The following KBTBD12 variants were observed in gnomAD, a reference collection of about 807,000 sequenced individuals.
KBTBD12 encodes kelch repeat and BTB domain-containing protein 12.
In KBTBD12, 53 loss-of-function variants were observed where a neutral mutation model predicts 58.7. The observed-to-expected ratio is 0.90, with a 90% CI of 0.72 to 1.14. The LOEUF is 1.14. Among genes scored for constraint, KBTBD12 ranks in the 50% most tolerant of loss-of-function variants. The pLI is 0.00. For missense variants in KBTBD12, 704 were observed against 751.3 expected (o/e 0.94, Z 0.74); for synonymous variants, 236 against 259.8 (o/e 0.91, Z 0.88).
chr3:127,974,046 C>T (rs1418411828), intron 5 of KBTBD12, among the ~76,000 whole-genome samples: 1 of 152,168 alleles, frequency 6.6e-6, no homozygotes, highest in African/African-American at 2.4e-5. Flanking sequence ...CCCATACATA[C>T]ATACACTGTC....
intron 4 of KBTBD12, among the ~76,000 whole-genome samples, chr3:127,950,222 A>C (rs1940174845): frequency 6.6e-6 from 1 of 152,246 alleles, no homozygotes; most frequent in Admixed American, 6.5e-5. Context: ...GGAGGAAGAA[A>C]ACACACATGC....
Position 127,963,264 on chromosome 3 carries a change from A to G in KBTBD12, c.1568A>G (p.Asp523Gly). The stretch of plus-strand genomic sequence containing the variant: ...GACGTGGTGGAGATCTACAACCCAG[A>G]TGGGGACTTTTGGCGAGAGGGCCCT... ...CLDVVEIYNPDGDFWREGPPM... is the reference protein window; with the variant it reads ...CLDVVEIYNPGGDFWREGPPM... Residue 523 changes from aspartate (D) to glycine (G), a missense_variant, in exon 5 of 6, where the codon GAT becomes GGT. Coordinates refer to ENST00000405109, the MANE Select transcript of KBTBD12 (RefSeq NM_207335.4). The G allele has an allele frequency of 6.2e-7, 1 of 1,612,774 alleles. No individual in the cohort carries two copies. Among genetic ancestry groups the G allele is most frequent in the Non-Finnish European group, 8.5e-7 (1 of 1,179,490 alleles).
chr3:127,924,049 G>C lies in KBTBD12; in HGVS notation c.988G>C (p.Glu330Gln). Residue 330 changes from glutamate to glutamine, a missense_variant, in exon 2 of 6, where the codon GAA (glutamate) becomes CAA (glutamine). Transcript: ENST00000405109. ...AACTGTGTGTACTGGTGTTGTCATG[G>C]AAAATAATACTATAATTGTGGCTGG... ...LGTVCTGVVM[E>Q]NNTIIVAGEA... The C allele has an allele frequency of 2.5e-6, 4 of 1,613,706 alleles. No individual in the cohort carries two copies. The highest frequency in any genetic ancestry group is 2.5e-6 in the Non-Finnish European group (3 of 1,179,700).
chr3:127,927,851 C>T lies in KBTBD12; in HGVS notation c.1158C>T (p.Asp386=). 6.2e-7 allele frequency: 1 copy of T among 1,612,506 alleles called. No homozygotes were observed. The highest frequency in any genetic ancestry group is 8.5e-7 in the Non-Finnish European group (1 of 1,178,922). ...ELYALGSIHN[D]LYVIGGQMKI... ...ATGCTCTGGGCAGTATTCATAATGA[C>T]CTTTATGTTATAGGAGGACAGATGA... Residue 386 remains aspartate (D), a synonymous_variant, in exon 3 of 6, where the codon GAC becomes GAT. Coordinates refer to ENST00000405109, the MANE Select transcript of KBTBD12 (RefSeq NM_207335.4).
At chr3:127,926,193 T>G (rs1335313127) in intron 2 of KBTBD12, among the ~76,000 whole-genome samples, 3 of 152,204 alleles carry the variant, frequency 2.0e-5, no homozygotes, top group Non-Finnish European at 4.4e-5. Context: ...TTTCTCTCCC[T>G]GTTTCAGTTC....
chr3:127,958,488 G>A (rs937088299), intron 4 of KBTBD12, among the ~76,000 whole-genome samples: 1 of 152,128 alleles, frequency 6.6e-6, no homozygotes, highest in East Asian at 1.9e-4. Flanking sequence ...GCCCAGACTC[G>A]ACTGAAAATC....
At position 127,986,324 on chromosome 3, in the gene KBTBD12, G is replaced by A. The variant is rs2107620562; in HGVS notation, c.*2046G>A. 1 of 152,718 alleles carries A rather than the reference G, an allele frequency of 6.5e-6. No individual in the cohort carries two copies. 9.5% of individuals were successfully genotyped at this position (152,718 alleles called of 1,614,324 possible). A position where few individuals can be genotyped will look rare whatever the true frequency, so the allele number is the denominator to read the frequency against. ...GTATGAGGATTAAGTGCTGAGCAAA[G>A]TGCCTGTGAAATCCTGAAATAATAA... On this transcript the variant is annotated 3_prime_UTR_variant, in exon 6 of 6. Coordinates refer to ENST00000405109, the MANE Select transcript of KBTBD12 (RefSeq NM_207335.4).
intron 4 of KBTBD12, among the ~76,000 whole-genome samples, chr3:127,959,634 A>G (rs1026133613): frequency 2.0e-5 from 3 of 152,224 alleles, no homozygotes; most frequent in Non-Finnish European, 4.4e-5. Context: ...CATGCTAGCC[A>G]TTTTGTTTAC....
intron 5 of KBTBD12, among the ~76,000 whole-genome samples, chr3:127,977,638 G>A (rs1940804859): frequency 1.3e-5 from 2 of 152,162 alleles, no homozygotes; most frequent in African/African-American, 4.8e-5. Flanking sequence ...CTTTTGAAAA[G>A]TGTCTGTTCG....
At chr3:127,933,102 TAAAAC>T (rs1310891091) in intron 4 of KBTBD12, among the ~76,000 whole-genome samples, 1 of 152,122 alleles carries the variant, frequency 6.6e-6, no homozygotes, top group Non-Finnish European at 1.5e-5. Flanking sequence ...AAAAATAAAA[TAAAAC>T]AAAACCAGGC....
At chr3:127,974,170 A>G (rs1055530118) in intron 5 of KBTBD12, among the ~76,000 whole-genome samples, 1 of 152,254 alleles carries the variant, frequency 6.6e-6, no homozygotes, top group Non-Finnish European at 1.5e-5. Context: ...GCAGAGAGCA[A>G]TTATATCAGC....
chr3:127,944,779 C>T (rs1940034316), intron 4 of KBTBD12, among the ~76,000 whole-genome samples: 1 of 152,314 alleles, frequency 6.6e-6, no homozygotes, highest in Non-Finnish European at 1.5e-5. Flanking sequence ...GTTCCCCCCA[C>T]TGATTATGAT....
At chr3:127,918,451 G>A (rs1224158526) in intron 1 of KBTBD12, among the ~76,000 whole-genome samples, 1 of 152,136 alleles carries the variant, frequency 6.6e-6, no homozygotes, top group East Asian at 1.9e-4. Flanking sequence ...GGTGGCTCAC[G>A]CCTGTAATCC....
At position 127,923,413 on chromosome 3, in the gene KBTBD12, A is replaced by AGT; in HGVS notation, c.359_360dup (p.Gln121ValfsTer5). On this transcript the variant is annotated frameshift_variant, in exon 2 of 6. Coordinates refer to ENST00000405109, the MANE Select transcript of KBTBD12 (RefSeq NM_207335.4). LOFTEE classifies it high-confidence loss of function. Reference sequence around the variant, plus strand: ...TTTTATGCAGATGGAAGAAGTCTTCAGTGTGTGTCAAAAATATATGATGGA... The same window carrying AGT: ...TTTTATGCAGATGGAAGAAGTCTTCAGTGTGTGTGTCAAAAATATATGATGGA... The AGT allele has an allele frequency of 6.2e-7, 1 of 1,613,090 alleles. No homozygotes were observed. The highest frequency in any genetic ancestry group is 8.5e-7 in the Non-Finnish European group (1 of 1,179,810).
At chr3:127,975,789 A>G (rs1433898746) in intron 5 of KBTBD12, among the ~76,000 whole-genome samples, 1 of 152,228 alleles carries the variant, frequency 6.6e-6, no homozygotes, top group Non-Finnish European at 1.5e-5. Context: ...GAAAGGCTAA[A>G]GAGGTCTGCT....
intron 4 of KBTBD12, among the ~76,000 whole-genome samples, chr3:127,952,612 G>A (rs964962449): frequency 1.1e-4 from 16 of 152,216 alleles, no homozygotes; most frequent in African/African-American, 3.9e-4. Context: ...ATTAGACCTT[G>A]TGTCATTAAC....
chr3:127,964,948 G>T (rs145319255), intron 5 of KBTBD12, among the ~76,000 whole-genome samples: 2 of 152,258 alleles, frequency 1.3e-5, no homozygotes, highest in African/African-American at 4.8e-5. Flanking sequence ...TCCTAATAGG[G>T]GCCCCTTGCT....
At chr3:127,960,891 C>G (rs1296842080) in intron 4 of KBTBD12, among the ~76,000 whole-genome samples, 1 of 152,182 alleles carries the variant, frequency 6.6e-6, no homozygotes, top group Non-Finnish European at 1.5e-5. Flanking sequence ...AGTGACAACA[C>G]TAATTATTGC....
chr3:127,941,397 CAT>C (rs1939947591), intron 4 of KBTBD12, among the ~76,000 whole-genome samples: 1 of 152,050 alleles, frequency 6.6e-6, no homozygotes, highest in Non-Finnish European at 1.5e-5. Context: ...TATGATCTAC[CAT>C]ATTATAGTCT....
Sources: allele counts gnomAD v4.1 joint callset (sites outside exome capture counted in the v4.1 genomes callset), GRCh38; gene constraint gnomAD v4.1.1; transcripts MANE v1.5; gene names NCBI Gene and HGNC (gene_info 2026-07-23, HGNC 2026-07-21).